The following DLAT variants were observed in gnomAD, a reference collection of about 807,000 sequenced individuals.
DLAT encodes dihydrolipoamide S-acetyltransferase.
In DLAT, 43 loss-of-function variants were observed where a neutral mutation model predicts 68.0. The observed-to-expected ratio is 0.63, with a 90% CI of 0.50 to 0.81. The LOEUF (loss-of-function observed/expected upper bound fraction) is 0.81, where lower values mean the gene tolerates loss of function less well. Ranked by LOEUF, DLAT falls within the 40% of genes least tolerant of loss-of-function variation. The pLI is 0.00. For missense variants in DLAT, 745 were observed against 815.4 expected, an observed-to-expected ratio of 0.91 and a Z score of 1.05; for synonymous variants, 265 against 288.6, an observed-to-expected ratio of 0.92 and a Z score of 0.83.
At chr11:112,028,161 T>C (rs1862181431) in intron 2 of DLAT, among the ~76,000 whole-genome samples, 1 of 152,146 alleles carries the variant, frequency 6.6e-6, no homozygotes, top group South Asian at 2.1e-4. Flanking sequence ...TAATTTCTTC[T>C]TTGAAATCTG....
At chr11:112,029,746 G>T in intron 4 of DLAT, 1 of 403,370 alleles carries the variant, frequency 2.5e-6, no homozygotes, top group Middle Eastern at 8.2e-4. Flanking sequence ...GGCAGCAGCA[G>T]GCAGGGAAGC....
intron 1 of DLAT, 105 bp downstream of exon 1, chr11:112,025,856 A>T (rs1861966771): frequency 1.4e-6 from 2 of 1,429,322 alleles, no homozygotes; most frequent in Non-Finnish European, 1.9e-6. Flanking sequence ...ACCCATTCCC[A>T]GTATCTGCTT....
chr11:112,051,881 G>C lies in DLAT; in HGVS notation c.1514+532G>C, dbSNP rs1182907615. ...GAACTTTACGGGCAAAATTAGAACA[G>C]TAATTGTTAATAATACAATGGTATA... On this transcript the variant is annotated intron_variant, in intron 11 of 13. Transcript: ENST00000280346. The surrounding 1 kb of genome is among the most constrained non-coding windows in gnomAD (Gnocchi z 4.3). Among the ~76,000 whole-genome samples, 1 of 152,200 alleles carries C rather than the reference G, an allele frequency of 6.6e-6. No individual in the cohort carries two copies. The highest frequency in any genetic ancestry group is 2.4e-5 in the African/African-American group (1 of 41,454).
At chr11:112,034,597 C>T (rs1484692772) in intron 5 of DLAT, among the ~76,000 whole-genome samples, 1 of 151,392 alleles carries the variant, frequency 6.6e-6, no homozygotes, top group African/African-American at 2.4e-5. Flanking sequence ...TGCCCGCTGC[C>T]ACGCCTGGCT....
In DLAT at chr11:112,045,217, G is replaced by A; in HGVS notation, c.1277G>A (p.Ser426Asn). Residue 426 changes from serine (S) to asparagine (N), a missense_variant, in exon 9 of 14, where the codon AGC (serine) becomes AAC (asparagine). Coordinates refer to ENST00000280346, the MANE Select transcript of DLAT (RefSeq NM_001931.5). ...PTGVFTDIPI[S>N]NIRRVIAQRL... ...GGTGTCTTCACAGATATCCCAATCA[G>A]CAACATTCGTCGGGTAAGAGAATTA... 2 of 1,613,850 alleles carry A rather than the reference G, an allele frequency of 1.2e-6. No homozygotes were observed. Among genetic ancestry groups the A allele is most frequent in the Non-Finnish European group, 1.7e-6 (2 of 1,179,822 alleles).
At chr11:112,027,550 G>T in intron 2 of DLAT, among the ~76,000 whole-genome samples, 1 of 151,662 alleles carries the variant, frequency 6.6e-6, no homozygotes, top group Non-Finnish European at 1.5e-5. Context: ...AAGGCAGGCG[G>T]CTGGGAGGTG....
At position 112,063,630 on chromosome 11, in the gene DLAT, T is replaced by A. The variant is rs1189477544; in HGVS notation, c.*1095T>A. ...GTGTGTAAAAAAGTGTTCTGTGTCCTTCTACTCCAGCATCGTCTCATGTAA... is the reference window on the plus strand; with the variant it reads ...GTGTGTAAAAAAGTGTTCTGTGTCCATCTACTCCAGCATCGTCTCATGTAA... On this transcript the variant is annotated 3_prime_UTR_variant, in exon 14 of 14. Transcript: ENST00000280346. The A allele has an allele frequency of 5.3e-5, 8 of 152,278 alleles. No homozygotes were observed. Among genetic ancestry groups the A allele is most frequent in the African/African-American group, 1.9e-4 (8 of 41,460 alleles). The allele number at this position is 152,278 out of a possible 1,614,324, so 9.4% of individuals were successfully genotyped here. A position where few individuals can be genotyped will look rare whatever the true frequency, so the allele number is the denominator to read the frequency against.
intron 11 of DLAT, among the ~76,000 whole-genome samples, chr11:112,059,380 G>A (rs2135152010): frequency 6.7e-6 from 1 of 150,346 alleles, no homozygotes; most frequent in East Asian, 1.9e-4. Context: ...TTCTTGGCAG[G>A]CGGTGGGGTC....
intron 11 of DLAT, among the ~76,000 whole-genome samples, chr11:112,052,127 C>CTTTT (rs1863675441): frequency 2.6e-5 from 4 of 151,550 alleles, no homozygotes; most frequent in Admixed American, 2.6e-4. Context: ...CTATGTTATT[C>CTTTT]TTATTCTGAA....
Position 112,051,002 on chromosome 11 carries a change from C to A in DLAT, c.1399-232C>A, listed in dbSNP as rs1461195541. Among the ~76,000 whole-genome samples the A allele has an allele frequency of 6.6e-6, 1 of 152,044 alleles. No individual in the cohort carries two copies. The highest frequency in any genetic ancestry group is 1.5e-5 in the Non-Finnish European group (1 of 68,030). ...TTTCTCACGATTATACAGTTTTACT[C>A]TTTGGTGAGAGAATTTAGAAACTAC... On this transcript the variant is annotated intron_variant, in intron 10 of 13. Transcript: ENST00000280346. The surrounding 1 kb of genome is among the most constrained non-coding windows in gnomAD (Gnocchi z 4.3).
intron 4 of DLAT, among the ~76,000 whole-genome samples, chr11:112,031,592 T>C (rs963355061): frequency 6.6e-6 from 1 of 151,970 alleles, no homozygotes; most frequent in Non-Finnish European, 1.5e-5. Flanking sequence ...ATTTTATTTT[T>C]TGAGATAGGG....
chr11:112,045,198 T>C lies in DLAT; in HGVS notation c.1258T>C (p.Phe420Leu). The C allele has an allele frequency of 6.2e-7, 1 of 1,614,154 alleles. No homozygotes were observed. Among genetic ancestry groups the C allele is most frequent in the Non-Finnish European group, 8.5e-7 (1 of 1,180,006 alleles). ...AATGGCACCAGTTCCTACAGGTGTC[T>C]TCACAGATATCCCAATCAGCAACAT... Reference protein sequence around the residue: ...PGMAPVPTGVFTDIPISNIRR... With the variant: ...PGMAPVPTGVLTDIPISNIRR... Residue 420 changes from phenylalanine to leucine, a missense_variant, in exon 9 of 14, where the codon TTC becomes CTC. Phe to Leu is a conservative substitution (Grantham distance 22). Transcript: ENST00000280346.
intron 5 of DLAT, 33 bp from the exon 6 acceptor site, chr11:112,037,240 T>C (rs1862821939): frequency 6.3e-7 from 1 of 1,594,222 alleles, no homozygotes; most frequent in African/African-American, 1.3e-5. Flanking sequence ...TGGAATCTCT[T>C]AAGTCCCATA....
chr11:112,061,353 A>G, intron 13 of DLAT, 179 bp downstream of exon 13: 1 of 649,602 alleles, frequency 1.5e-6, no homozygotes, highest in South Asian at 1.8e-5. Context: ...ATTATTCTGT[A>G]TACTTTATTC....
chr11:112,032,553 C>G (rs1234738153), intron 4 of DLAT: 2 of 151,932 alleles, frequency 1.3e-5, no homozygotes, highest in Non-Finnish European at 2.9e-5. Context: ...CCATGCTAAT[C>G]TCTATATCGT....
intron 8 of DLAT, 49 bp from the exon 9 acceptor site, chr11:112,045,088 AC>A (rs1863236627): frequency 1.4e-6 from 2 of 1,413,444 alleles, no homozygotes; most frequent in Non-Finnish European, 2.0e-6. Context: ...CCAGGTACTT[AC>A]GCTAAGATTG....
At chr11:112,060,657 G>T (rs879950411) in intron 12 of DLAT, among the ~76,000 whole-genome samples, 4 of 151,700 alleles carry the variant, frequency 2.6e-5, no homozygotes, top group Non-Finnish European at 5.9e-5. Flanking sequence ...GTAGTGTCGG[G>T]GTTTCACCAT....
chr11:112,033,047 G>C (rs1862500247), intron 4 of DLAT, among the ~76,000 whole-genome samples: 1 of 152,170 alleles, frequency 6.6e-6, no homozygotes. Context: ...CTGGGGGACA[G>C]AGCAAGACTC....
Position 112,033,364 on chromosome 11 carries a change from C to A in DLAT, c.661-40C>A, listed in dbSNP as rs1382421441. On this transcript the variant is annotated intron_variant, in intron 4 of 13. Transcript: ENST00000280346. ...TGCCAGACTTTTATTATGTAGAAGT[C>A]TTCCTGGTATTAAGCAATAATATGT... The A allele has an allele frequency of 2.5e-6, 4 of 1,607,762 alleles. No homozygotes were observed. The African/African-American group carries it at 5.3e-5, about 21-fold the overall frequency.
Sources: gnomAD v4.1 joint callset for allele counts (sites outside exome capture counted in the v4.1 genomes callset) on GRCh38, gnomAD v4.1.1 for gene constraint, Gnocchi (gnomAD v3.1) non-coding constraint, MANE v1.5 for transcripts, NCBI Gene and HGNC (gene_info 2026-07-23, HGNC 2026-07-21) for gene names.